Variants in TTLL11 observed in about 807,000 individuals in gnomAD.
TTLL11 encodes the protein tubulin polyglutamylase TTLL11.
TTLL11 carries 42 observed loss-of-function variants against 51.7 expected under a neutral mutation model. The ratio of observed to expected loss-of-function variants is 0.81; its 90% CI spans 0.64 to 1.05. The LOEUF (loss-of-function observed/expected upper bound fraction) is 1.05. Among genes scored for constraint, TTLL11 ranks in the 50% least tolerant of loss-of-function variants. The pLI is 0.00. For missense variants in TTLL11, 799 were observed against 940.4 expected (o/e 0.85, Z 1.97); for synonymous variants, 381 against 383.5 (o/e 0.99, Z 0.08).
At chr9:121,895,377 C>T (rs12350070) in intron 6 of TTLL11, among the ~76,000 whole-genome samples, 74,877 of 150,920 alleles carry the variant, frequency 0.5, 18,589 homozygotes, top group Middle Eastern at 0.59. Context: ...GTGTGATGTG[C>T]GGTTGTATGA....
At chr9:122,036,745 A>C (rs773192617) in intron 2 of TTLL11, among the ~76,000 whole-genome samples, 1 of 152,180 alleles carries the variant, frequency 6.6e-6, no homozygotes, top group Non-Finnish European at 1.5e-5. Context: ...TGCATTTTAG[A>C]ATAATGAGAT....
At chr9:121,852,893 A>T (rs1015608276) in intron 8 of TTLL11, among the ~76,000 whole-genome samples, 1 of 152,218 alleles carries the variant, frequency 6.6e-6, no homozygotes, top group African/African-American at 2.4e-5. Context: ...CGTGCCAGAC[A>T]CCTCGCACGA....
chr9:121,900,241 A>C (rs1184385784), intron 6 of TTLL11, among the ~76,000 whole-genome samples: 1 of 152,198 alleles, frequency 6.6e-6, no homozygotes, highest in Non-Finnish European at 1.5e-5. Flanking sequence ...TTCTCTTGAA[A>C]GACAGGTTCA....
intron 6 of TTLL11, among the ~76,000 whole-genome samples, chr9:121,919,824 C>T (rs1469565958): frequency 1.8e-5 from 2 of 114,106 alleles, no homozygotes; most frequent in African/African-American, 6.8e-5. Flanking sequence ...CCAGCCTGGG[C>T]AACATAGTGA....
chr9:121,860,383 G>A lies in TTLL11; in HGVS notation c.1794C>T (p.Asp598=). ...TCATGGAGTTCCACCTCCGTGTGAT[G>A]TCAATGTAGAGGATGTCCACGGCAG... ...SMAAVDILYI[D]ITRRWNSMTL... is the part of the protein sequence containing the mutation. Residue 598 remains aspartate, a synonymous_variant, in exon 8 of 9, where the codon GAC becomes GAT. Coordinates refer to ENST00000321582, the MANE Select transcript of TTLL11 (RefSeq NM_001139442.2). The A allele has an allele frequency of 6.4e-7, 1 of 1,551,550 alleles. No individual in the cohort carries two copies. The highest frequency in any genetic ancestry group is 2.4e-5 in the East Asian group (1 of 40,914).
intron 3 of TTLL11, among the ~76,000 whole-genome samples, chr9:122,003,833 C>T (rs1245206360): frequency 6.6e-6 from 1 of 150,658 alleles, no homozygotes; most frequent in Non-Finnish European, 1.5e-5. Flanking sequence ...TAAAGTGTCT[C>T]GGCCAGGCAT....
intron 1 of TTLL11, among the ~76,000 whole-genome samples, chr9:122,066,223 G>A (rs529164824): frequency 2.5e-4 from 37 of 147,496 alleles, no homozygotes; most frequent in Non-Finnish European, 4.9e-4. Flanking sequence ...TAGTGGTGGT[G>A]GTGGTGGTGG....
At position 121,946,490 on chromosome 9, in the gene TTLL11, G is replaced by A. The variant is rs150647776; in HGVS notation, c.1481+27519C>T. Among the ~76,000 whole-genome samples, 1,120 of 152,260 alleles carry A rather than the reference G, an allele frequency of 7.4e-3. 11 individuals carry two copies. Among genetic ancestry groups the A allele is most frequent in the African/African-American group, 0.026 (1,078 of 41,552 alleles). ...TTACAGAGGCAGGGGCTTTGACCAC[G>A]GGAATCATACCTGGGGCCAGCCTTC... On this transcript the variant is annotated intron_variant, in intron 6 of 8. Transcript: ENST00000321582.
At chr9:121,955,878 A>C (rs1842000032) in intron 6 of TTLL11, among the ~76,000 whole-genome samples, 1 of 152,226 alleles carries the variant, frequency 6.6e-6, no homozygotes, top group Non-Finnish European at 1.5e-5. Context: ...GGGTAATCAG[A>C]TAATGCTTAA....
Position 121,860,336 on chromosome 9 carries a change from C to A in TTLL11, c.1840+1G>T, listed in dbSNP as rs1444229165. The A allele has an allele frequency of 6.4e-7, 1 of 1,550,746 alleles. No individual in the cohort carries two copies. Reference sequence around the variant, plus strand: ...CCATGGCAGAGGCATTTGTCAAATACCTGAGTCCCGCTGGTCCAGGGTCAT... The same window carrying A: ...CCATGGCAGAGGCATTTGTCAAATAACTGAGTCCCGCTGGTCCAGGGTCAT... On this transcript the variant is annotated splice_donor_variant, in intron 8 of 8. Coordinates refer to ENST00000321582, the MANE Select transcript of TTLL11 (RefSeq NM_001139442.2). LOFTEE classifies it high-confidence loss of function.
At chr9:122,069,989 T>TCACA (rs144009501) in intron 1 of TTLL11, among the ~76,000 whole-genome samples, 5,862 of 148,786 alleles carry the variant, frequency 0.039, 162 homozygotes, top group South Asian at 0.057. Context: ...GCATAGAGAA[T>TCACA]CACACACACA....
intron 1 of TTLL11, among the ~76,000 whole-genome samples, chr9:122,072,825 C>T (rs1426236003): frequency 6.6e-6 from 1 of 152,108 alleles, no homozygotes; most frequent in Admixed American, 6.5e-5. Context: ...CGTCCCTCCC[C>T]TCCTCCTTCC....
intron 6 of TTLL11, among the ~76,000 whole-genome samples, chr9:121,925,830 C>T (rs1022543532): frequency 6.6e-6 from 1 of 152,174 alleles, no homozygotes; most frequent in Non-Finnish European, 1.5e-5. Flanking sequence ...CCTCCTCCAC[C>T]CTCACCCTTT....
intron 1 of TTLL11, among the ~76,000 whole-genome samples, chr9:122,057,953 G>A (rs957967096): frequency 6.0e-4 from 92 of 152,332 alleles, no homozygotes; most frequent in Middle Eastern, 3.4e-3. Context: ...ATAAGGCTCA[G>A]TCCCTGTCTT....
chr9:122,053,373 T>C (rs1036644849), intron 1 of TTLL11, among the ~76,000 whole-genome samples: 8 of 152,050 alleles, frequency 5.3e-5, no homozygotes, highest in Admixed American at 2.0e-4. Flanking sequence ...CAGAGGACTA[T>C]AGGACAGCAG....
intron 4 of TTLL11, among the ~76,000 whole-genome samples, chr9:121,980,957 A>T (rs1842812938): frequency 6.6e-6 from 1 of 151,996 alleles, no homozygotes; most frequent in African/African-American, 2.4e-5. Flanking sequence ...TTTCTTTCTG[A>T]CTGCTTTTAA....
chr9:122,063,433 G>A (rs988097707), intron 1 of TTLL11, among the ~76,000 whole-genome samples: 1 of 152,016 alleles, frequency 6.6e-6, no homozygotes, highest in Admixed American at 6.6e-5. Flanking sequence ...TAGAAAACAG[G>A]TCACTAGCTG....
chr9:121,927,591 A>AT (rs1168376618), intron 6 of TTLL11, among the ~76,000 whole-genome samples: 1 of 151,926 alleles, frequency 6.6e-6, no homozygotes, highest in Non-Finnish European at 1.5e-5. Context: ...TCATTTTGAA[A>AT]TAAAATAGTA....
chr9:121,941,020 G>A (rs562188235), intron 6 of TTLL11, among the ~76,000 whole-genome samples: 1 of 152,250 alleles, frequency 6.6e-6, no homozygotes, highest in Admixed American at 6.5e-5. Context: ...AAACTAACAC[G>A]TTTAAGATTC....
Sources: gnomAD v4.1 joint callset for allele counts (sites outside exome capture counted in the v4.1 genomes callset) on GRCh38, gnomAD v4.1.1 for gene constraint, MANE v1.5 for transcripts, NCBI Gene and HGNC (gene_info 2026-07-23, HGNC 2026-07-21) for gene names.